GAB2: variants seen among roughly 807,000 people sequenced by gnomAD.
The protein encoded by GAB2 is GRB2 associated binding protein 2, also known as GRB2-associated-binding protein 2.
Under a neutral mutation model 65.5 loss-of-function variants are expected in GAB2, and 26 were observed. The ratio of observed to expected loss-of-function variants is 0.40; its 90% CI spans 0.29 to 0.55. The LOEUF is 0.55. Ranked by LOEUF, GAB2 falls within the 20% of genes least tolerant of loss-of-function variation. The pLI, the probability that GAB2 is intolerant of heterozygous loss-of-function variation, is 0.53. For missense variants in GAB2, 884 were observed against 875.8 expected, an observed-to-expected ratio of 1.01 and a Z score of -0.12; for synonymous variants, 321 against 329.6, an observed-to-expected ratio of 0.97 and a Z score of 0.28.
intron 1 of GAB2, among the ~76,000 whole-genome samples, chr11:78,338,582 G>T (rs558179388): frequency 6.6e-6 from 1 of 152,286 alleles, no homozygotes; most frequent in African/African-American, 2.4e-5. Context: ...CCATGTGCGT[G>T]GCCAAGGTTA....
chr11:78,340,621 A>AG (rs996487550), intron 1 of GAB2, among the ~76,000 whole-genome samples: 1 of 150,852 alleles, frequency 6.6e-6, no homozygotes, highest in African/African-American at 2.4e-5. Flanking sequence ...TGAAGAGGAA[A>AG]AAAAAAAAAA....
intron 1 of GAB2, among the ~76,000 whole-genome samples, chr11:78,396,629 C>G (rs749707409): frequency 2.6e-5 from 4 of 151,944 alleles, no homozygotes; most frequent in Admixed American, 6.6e-5. Context: ...TTTTTTGAGG[C>G]AGAGTTTCAC....
intron 1 of GAB2, among the ~76,000 whole-genome samples, chr11:78,333,993 T>C (rs540088940): frequency 1.1e-3 from 167 of 152,340 alleles, no homozygotes; most frequent in African/African-American, 2.6e-3. Context: ...CCAGACTATA[T>C]CTGAGACCCT....
chr11:78,219,503 T>G (rs1342017961), intron 9 of GAB2, 88 bp from the exon 10 acceptor site: 11 of 1,223,534 alleles, frequency 9.0e-6, no homozygotes, highest in Non-Finnish European at 1.3e-5. Context: ...CTTCCTGAGC[T>G]GTCTGAAGGG....
intron 1 of GAB2, among the ~76,000 whole-genome samples, chr11:78,307,088 C>T (rs945264130): frequency 1.3e-5 from 2 of 152,068 alleles, no homozygotes; most frequent in African/African-American, 4.8e-5. Flanking sequence ...TCAATAAAAC[C>T]AAGCATTCTA....
rs767246566 is a variant in GAB2, at chr11:78,219,358, C to T, written c.1945G>A (p.Glu649Lys). 1.3e-5 allele frequency: 21 copies of T among 1,613,914 alleles called. No individual in the cohort carries two copies. Among genetic ancestry groups the T allele is most frequent in the Admixed American group, 8.3e-5 (5 of 60,006 alleles). The change falls in exon 10 of 10, where the codon GAG becomes AAG. Residue 649 changes from glutamate to lysine, a missense_variant. Transcript: ENST00000361507. Reference sequence around the variant, plus strand: ...GTGTTCTGCAGGGCCTGGGTCTTCTCCTTGTCCACCTGAACGTAGTCCACC... The same window carrying T: ...GTGTTCTGCAGGGCCTGGGTCTTCTTCTTGTCCACCTGAACGTAGTCCACC... ...EKVDYVQVDK[E>K]KTQALQNTMQ... is the part of the protein sequence containing the mutation.
At chr11:78,396,213 C>T (rs2135072044) in intron 1 of GAB2, among the ~76,000 whole-genome samples, 1 of 152,244 alleles carries the variant, frequency 6.6e-6, no homozygotes, top group East Asian at 1.9e-4. Flanking sequence ...CAAAGTTTCA[C>T]CGTAGTTCAA....
chr11:78,395,326 T>C (rs1419908669), intron 1 of GAB2, among the ~76,000 whole-genome samples: 1 of 152,240 alleles, frequency 6.6e-6, no homozygotes, highest in Non-Finnish European at 1.5e-5. Flanking sequence ...TGGTGGCACA[T>C]GCCTGTAATC....
At chr11:78,402,314 G>A (rs1856983619) in intron 1 of GAB2, among the ~76,000 whole-genome samples, 1 of 145,524 alleles carries the variant, frequency 6.9e-6, no homozygotes. Context: ...TCTTCTCTAG[G>A]AAGCCTTTGC....
At chr11:78,271,214 TG>T (rs1199396131) in intron 2 of GAB2, among the ~76,000 whole-genome samples, 1 of 152,222 alleles carries the variant, frequency 6.6e-6, no homozygotes, top group African/African-American at 2.4e-5. Context: ...GAGCCACAAA[TG>T]TGAGGACTTG....
Position 78,223,674 on chromosome 11 carries a change from T to G in GAB2, c.1305A>C (p.Pro435=). 1 of 1,593,988 alleles carries G rather than the reference T, an allele frequency of 6.3e-7. No homozygotes were observed. The highest frequency in any genetic ancestry group is 8.6e-7 in the Non-Finnish European group (1 of 1,168,930). The change falls in exon 6 of 10, where the codon CCA becomes CCC. Residue 435 remains proline, a splice_region_variant and synonymous_variant. Transcript: ENST00000361507. Reference sequence around the variant, plus strand: ...CCGATCGGCCCACAATCATTTTCCCTGGCTAGGGAGAGGAACAGTGAAAGA... The same window carrying G: ...CCGATCGGCCCACAATCATTTTCCCGGGCTAGGGAGAGGAACAGTGAAAGA... ...SMSDGVGSFL[P]GKMIVGRSDS...
intron 1 of GAB2, among the ~76,000 whole-genome samples, chr11:78,375,957 G>T (rs1317620921): frequency 1.3e-5 from 2 of 152,184 alleles, no homozygotes; most frequent in East Asian, 3.9e-4. Flanking sequence ...CAGTACTTTG[G>T]ATACAGCAGC....
intron 1 of GAB2, among the ~76,000 whole-genome samples, chr11:78,400,544 T>C (rs1169362613): frequency 6.6e-6 from 1 of 152,212 alleles, no homozygotes; most frequent in Non-Finnish European, 1.5e-5. Context: ...CAGCATTTCT[T>C]ATAAGCTTAA....
At chr11:78,379,895 A>G (rs570848937) in intron 1 of GAB2, among the ~76,000 whole-genome samples, 1 of 152,262 alleles carries the variant, frequency 6.6e-6, no homozygotes. Flanking sequence ...AGTAACCTGA[A>G]AGAAAAATTT....
At chr11:78,395,259 T>C (rs10899491) in intron 1 of GAB2, among the ~76,000 whole-genome samples, 24,295 of 152,230 alleles carry the variant, frequency 0.16, 2,591 homozygotes, top group East Asian at 0.41. Context: ...TTCGAGACCA[T>C]CCTGGCCAAC....
rs184339346 is a variant in GAB2, at chr11:78,336,125, C to A, written c.76-55224G>T. 1.9e-3 allele frequency among the ~76,000 whole-genome samples: 284 copies of A among 151,956 alleles called. 3 individuals carry two copies. The highest frequency in any genetic ancestry group is 0.01 in the Middle Eastern group (3 of 294). ...AGCCAGGAATTCAATACCAGCCTGG[C>A]TGACATGGTGAAATCCTATCTCTAC... On this transcript the variant is annotated intron_variant, in intron 1 of 9. Transcript: ENST00000361507.
chr11:78,336,659 GTCTA>G (rs1055820337), intron 1 of GAB2, among the ~76,000 whole-genome samples: 2 of 152,076 alleles, frequency 1.3e-5, no homozygotes, highest in Non-Finnish European at 2.9e-5. Flanking sequence ...TTTGTGTTTT[GTCTA>G]TGGATGTCTA....
At chr11:78,359,795 G>A (rs927079984) in intron 1 of GAB2, among the ~76,000 whole-genome samples, 1 of 152,180 alleles carries the variant, frequency 6.6e-6, no homozygotes, top group Non-Finnish European at 1.5e-5. Context: ...TACATGATTT[G>A]GAAGAAGGGT....
intron 2 of GAB2, among the ~76,000 whole-genome samples, chr11:78,266,075 T>G (rs2134554811): frequency 6.6e-6 from 1 of 151,362 alleles, no homozygotes; most frequent in Middle Eastern, 3.4e-3. Context: ...ATTTGCCGGG[T>G]GTGGTGGCGC....
Sources: gnomAD v4.1 joint callset for allele counts (sites outside exome capture counted in the v4.1 genomes callset) on GRCh38, gnomAD v4.1.1 for gene constraint, MANE v1.5 for transcripts, NCBI Gene and HGNC (gene_info 2026-07-23, HGNC 2026-07-21) for gene names.